Variants in ATF2 observed in about 807,000 individuals in gnomAD.
The protein encoded by ATF2 is activating transcription factor 2, also known as cyclic AMP-dependent transcription factor ATF-2.
ATF2 carries 24 observed loss-of-function variants against 60.6 expected under a neutral mutation model. That is an observed-to-expected ratio of 0.40 (90% CI 0.29 to 0.56). The LOEUF is 0.56. Among genes scored for constraint, ATF2 ranks in the 20% least tolerant of loss-of-function variants. The probability of loss-of-function intolerance (pLI) is 0.54; values close to 1 mark genes in which losing one functional copy is unlikely to be tolerated. For synonymous variants in ATF2, 206 were observed against 215.4 expected (o/e 0.96, Z 0.38); for missense variants, 433 against 607.7 (o/e 0.71, Z 3.02).
chr2:175,155,279 T>C (rs1699602892), intron 1 of ATF2, among the ~76,000 whole-genome samples: 1 of 152,146 alleles, frequency 6.6e-6, no homozygotes, highest in Non-Finnish European at 1.5e-5. Flanking sequence ...TTGCCCTAGG[T>C]TGTAGAAGCT....
At chr2:175,080,528 C>G in intron 13 of ATF2, 132 bp downstream of exon 13, 1 of 671,274 alleles carries the variant, frequency 1.5e-6, no homozygotes. Context: ...TCTATAATAA[C>G]CTTACAGAAA....
At chr2:175,082,222 T>G (rs1053734420) in intron 12 of ATF2, among the ~76,000 whole-genome samples, 1 of 152,148 alleles carries the variant, frequency 6.6e-6, no homozygotes, top group Non-Finnish European at 1.5e-5. Context: ...TGTATTTAAG[T>G]ACAGAACAAA....
intron 4 of ATF2, among the ~76,000 whole-genome samples, chr2:175,122,055 T>C (rs1026210056): frequency 6.6e-6 from 1 of 152,066 alleles, no homozygotes; most frequent in Non-Finnish European, 1.5e-5. Flanking sequence ...AGAATGCCTT[T>C]GTTTTAATCC....
At chr2:175,135,001 C>T (rs13385395) in intron 3 of ATF2, among the ~76,000 whole-genome samples, 1 of 122,178 alleles carries the variant, frequency 8.2e-6, no homozygotes, top group Non-Finnish European at 1.7e-5. Context: ...AAGACCCCAT[C>T]TCTTTAAAAA....
intron 1 of ATF2, among the ~76,000 whole-genome samples, chr2:175,157,091 C>T (rs968242520): frequency 1.3e-5 from 2 of 152,126 alleles, no homozygotes; most frequent in African/African-American, 2.4e-5. Context: ...CCTGGGTTTT[C>T]GTGAAATTCA....
rs562142609 is a variant in ATF2, at chr2:175,134,649, T to C, written c.32+1763A>G. Among the ~76,000 whole-genome samples, 7 of 152,162 alleles carry C rather than the reference T, an allele frequency of 4.6e-5. No individual in the cohort carries two copies. In the East Asian group the frequency reaches 1.4e-3, roughly 29 times the overall value. Reference sequence around the variant, plus strand: ...AAGAGTTGATGAAGGAAAAGTCTTTTATAGAATTTCAACAAGTGCAGAAGA... The same window carrying C: ...AAGAGTTGATGAAGGAAAAGTCTTTCATAGAATTTCAACAAGTGCAGAAGA... On this transcript the variant is annotated intron_variant, in intron 3 of 13. Coordinates refer to ENST00000264110, the MANE Select transcript of ATF2 (RefSeq NM_001880.4).
chr2:175,158,787 C>G (rs1699840494), intron 1 of ATF2, among the ~76,000 whole-genome samples: 1 of 151,390 alleles, frequency 6.6e-6, no homozygotes, highest in Non-Finnish European at 1.5e-5. Flanking sequence ...ACACTATGAT[C>G]CTCTACAGTA....
chr2:175,076,789 T>A (rs1442868985), intron 13 of ATF2, among the ~76,000 whole-genome samples: 2 of 152,120 alleles, frequency 1.3e-5, no homozygotes, highest in Non-Finnish European at 2.9e-5. Flanking sequence ...AAAATTTTTT[T>A]ATTTTTATCA....
chr2:175,142,317 C>T (rs572954426), intron 2 of ATF2, among the ~76,000 whole-genome samples: 2 of 151,788 alleles, frequency 1.3e-5, no homozygotes, highest in Admixed American at 1.3e-4. Flanking sequence ...TACAGGCACG[C>T]ACCACCACTC....
At position 175,074,593 on chromosome 2, in the gene ATF2, T is replaced by C. The variant is rs1233985286; in HGVS notation, c.*16A>G. On this transcript the variant is annotated 3_prime_UTR_variant, in exon 14 of 14. Coordinates refer to ENST00000264110, the MANE Select transcript of ATF2 (RefSeq NM_001880.4). ...CACTAATGAGTATCTAAAACTGTTG[T>C]ACTGCAGGTTTTTAATCAACTTCCT... The C allele has an allele frequency of 1.9e-6, 3 of 1,603,064 alleles. No individual in the cohort carries two copies. The highest frequency in any genetic ancestry group is 2.6e-6 in the Non-Finnish European group (3 of 1,174,092).
Position 175,108,357 on chromosome 2 carries a change from C to T in ATF2, c.828+3211G>A, listed in dbSNP as rs1266535492. Among the ~76,000 whole-genome samples, 9 of 151,108 alleles carry T rather than the reference C, an allele frequency of 6.0e-5. No homozygotes were observed. In the South Asian group the frequency reaches 1.5e-3, roughly 25 times the overall value. On this transcript the variant is annotated intron_variant, in intron 10 of 13. Transcript: ENST00000264110. ...CCCCCGCCCGGCCAGCCGCCTCGTC[C>T]GGGAGGGAGGTGGGGGGTCAGCGTC...
chr2:175,076,182 T>C (rs893632085), intron 13 of ATF2, among the ~76,000 whole-genome samples: 7 of 152,140 alleles, frequency 4.6e-5, no homozygotes, highest in Non-Finnish European at 8.8e-5. Context: ...TTTTCTGAAA[T>C]ATAGTTTTTA....
intron 6 of ATF2, 23 bp downstream of exon 6, chr2:175,118,228 T>C (rs749631770): frequency 1.9e-6 from 3 of 1,594,862 alleles, no homozygotes; most frequent in Non-Finnish European, 2.6e-6. Flanking sequence ...GTACTCTTTT[T>C]AAATTTCATG....
intron 1 of ATF2, among the ~76,000 whole-genome samples, chr2:175,162,906 G>C (rs1404317001): frequency 6.6e-6 from 1 of 152,060 alleles, no homozygotes; most frequent in African/African-American, 2.4e-5. Context: ...GGCCGAGGTG[G>C]GCGGATCACA....
At chr2:175,077,578 A>G (rs1479779679) in intron 13 of ATF2, among the ~76,000 whole-genome samples, 1 of 152,210 alleles carries the variant, frequency 6.6e-6, no homozygotes, top group African/African-American at 2.4e-5. Flanking sequence ...TTAAAAATAA[A>G]GAGGCTGATC....
intron 1 of ATF2, among the ~76,000 whole-genome samples, chr2:175,164,521 G>C (rs960088605): frequency 6.6e-6 from 1 of 152,162 alleles, no homozygotes; most frequent in Non-Finnish European, 1.5e-5. Context: ...AAGCCAGAGG[G>C]AGACTCTGTC....
intron 1 of ATF2, among the ~76,000 whole-genome samples, chr2:175,159,993 T>C (rs917601527): frequency 1.3e-5 from 2 of 152,182 alleles, no homozygotes; most frequent in South Asian, 2.1e-4. Context: ...AAAATAGAAA[T>C]AGAAATTCAG....
chr2:175,127,433 T>C (rs1217489683), intron 4 of ATF2, among the ~76,000 whole-genome samples: 1 of 152,172 alleles, frequency 6.6e-6, no homozygotes, highest in Non-Finnish European at 1.5e-5. Flanking sequence ...TTTCTCTCTC[T>C]GTGTCCACTG....
At chr2:175,076,972 G>A (rs566266264) in intron 13 of ATF2, among the ~76,000 whole-genome samples, 252 of 107,404 alleles carry the variant, frequency 2.3e-3, no homozygotes, top group African/African-American at 8.8e-3. Context: ...AACAGGCCCC[G>A]GTGTGTGATG....
Sources: gnomAD v4.1 joint callset for allele counts (sites outside exome capture counted in the v4.1 genomes callset) on GRCh38, gnomAD v4.1.1 for gene constraint, MANE v1.5 for transcripts, NCBI Gene and HGNC (gene_info 2026-07-23, HGNC 2026-07-21) for gene names.